Variants in IMPG1 observed in about 807,000 individuals in gnomAD.
IMPG1 encodes interphotoreceptor matrix proteoglycan of 150 kDa.
In IMPG1, 85 loss-of-function variants were observed where a neutral mutation model predicts 92.0. That is an observed-to-expected ratio of 0.92 (90% CI 0.78 to 1.11). The LOEUF is 1.11. IMPG1 is among the 50% of genes least tolerant of loss of function. The pLI is 0.00. For missense variants in IMPG1, 1,022 were observed against 956.0 expected, an observed-to-expected ratio of 1.07 and a Z score of -0.91; for synonymous variants, 367 against 334.1, an observed-to-expected ratio of 1.10 and a Z score of -1.08.
intron 1 of IMPG1, among the ~76,000 whole-genome samples, chr6:76,048,075 C>T (rs1217991209): frequency 6.6e-6 from 1 of 152,120 alleles, no homozygotes; most frequent in African/African-American, 2.4e-5. Context: ...GGAAGACTAT[C>T]ATTATTACCT....
chr6:76,007,371 A>G, intron 9 of IMPG1, 109 bp downstream of exon 9: 1 of 760,078 alleles, frequency 1.3e-6, no homozygotes. Context: ...ATCAAAAAGT[A>G]ATGGGCTTAT....
At chr6:75,973,784 T>C (rs1157975204) in intron 12 of IMPG1, among the ~76,000 whole-genome samples, 2 of 152,180 alleles carry the variant, frequency 1.3e-5, no homozygotes, top group Non-Finnish European at 2.9e-5. Flanking sequence ...CATTATGTTA[T>C]TTAATTGAAA....
chr6:75,950,729 C>T lies in IMPG1; in HGVS notation c.1657G>A (p.Val553Ile). 1 of 1,614,010 alleles carries T rather than the reference C, an allele frequency of 6.2e-7. No homozygotes were observed. The highest frequency in any genetic ancestry group is 8.5e-7 in the Non-Finnish European group (1 of 1,179,912). Residue 553 changes from valine to isoleucine, a missense_variant, in exon 13 of 17, where the codon GTC becomes ATC. Transcript: ENST00000369950. ...PDHFLEDTTP[V>I]SALQYITTSS... ...GTGGTGATATACTGTAAAGCTGAGA[C>T]AGGAGTGGTATCCTCCAAGAAATGA...
At chr6:76,064,208 T>C (rs1457801377) in intron 1 of IMPG1, among the ~76,000 whole-genome samples, 2 of 152,138 alleles carry the variant, frequency 1.3e-5, no homozygotes, top group Non-Finnish European at 2.9e-5. Context: ...ACTGCATCCC[T>C]GCTGGCTATG....
intron 12 of IMPG1, among the ~76,000 whole-genome samples, chr6:75,982,877 A>C (rs968204760): frequency 1.3e-5 from 2 of 152,048 alleles, no homozygotes; most frequent in African/African-American, 2.4e-5. Flanking sequence ...TCATCTTTAA[A>C]ATCTAGTGAC....
chr6:75,992,414 G>A (rs150459585), intron 12 of IMPG1, among the ~76,000 whole-genome samples: 77 of 152,284 alleles, frequency 5.1e-4, no homozygotes, highest in African/African-American at 1.8e-3. Context: ...ATGACCATGG[G>A]GGTGTTTCAT....
chr6:75,994,037 G>A (rs181298092), intron 12 of IMPG1, among the ~76,000 whole-genome samples: 1 of 152,348 alleles, frequency 6.6e-6, no homozygotes, highest in African/African-American at 2.4e-5. Context: ...CACTGGTGAG[G>A]TGCTAGCACT....
chr6:75,974,380 T>TTTCTTTCTTTC (rs1582078426), intron 12 of IMPG1, among the ~76,000 whole-genome samples: 1 of 76,310 alleles, frequency 1.3e-5, no homozygotes, highest in African/African-American at 4.5e-5. Context: ...TCTTTCTTTC[T>TTTCTTTCTTTC]TTCTTTCTTT....
chr6:75,986,841 TAAAAC>T lies in IMPG1; in HGVS notation c.1291+16072_1291+16076del, dbSNP rs746322158. Among the ~76,000 whole-genome samples the T allele has an allele frequency of 2.6e-3, 394 of 151,996 alleles. 6 individuals are homozygous for T. The highest frequency in any genetic ancestry group is 0.01 in the Middle Eastern group (3 of 294). ...AACTTAAAAGCAAAAAGAAAACAAA[TAAAAC>T]AGGCAGTCAAACCAACAAAATCTCA... On this transcript the variant is annotated intron_variant, in intron 12 of 16. Coordinates refer to ENST00000369950, the MANE Select transcript of IMPG1 (RefSeq NM_001563.4).
chr6:75,933,803 T>C (rs1403824277), intron 14 of IMPG1, among the ~76,000 whole-genome samples: 1 of 152,222 alleles, frequency 6.6e-6, no homozygotes, highest in Non-Finnish European at 1.5e-5. Context: ...CTCACACTTA[T>C]CAAAGGCCAT....
chr6:75,979,490 G>A (rs900848132), intron 12 of IMPG1, among the ~76,000 whole-genome samples: 8 of 152,152 alleles, frequency 5.3e-5, no homozygotes, highest in Non-Finnish European at 1.0e-4. Flanking sequence ...TTATATGAAA[G>A]AAAGGACAGT....
intron 5 of IMPG1, 83 bp downstream of exon 5, chr6:76,025,107 TTTAA>T (rs2149484735): frequency 1.3e-6 from 1 of 797,776 alleles, no homozygotes; most frequent in Non-Finnish European, 2.2e-6. Context: ...AAACATTATC[TTTAA>T]TTAGGAATTG....
chr6:76,028,148 G>T (rs1460967828), intron 4 of IMPG1, among the ~76,000 whole-genome samples: 1 of 152,146 alleles, frequency 6.6e-6, no homozygotes, highest in Non-Finnish European at 1.5e-5. Context: ...CATAATTAAT[G>T]TTGTTAAGTT....
chr6:76,067,079 T>A (rs550933328), intron 1 of IMPG1, among the ~76,000 whole-genome samples: 2 of 151,914 alleles, frequency 1.3e-5, no homozygotes, highest in African/African-American at 4.8e-5. Context: ...TATGCTTACA[T>A]GAAAAGATAG....
At chr6:76,034,904 G>T in intron 2 of IMPG1, 117 bp from the exon 3 acceptor site, 1 of 799,302 alleles carries the variant, frequency 1.3e-6, no homozygotes, top group South Asian at 1.9e-5. Flanking sequence ...CTAATTTACA[G>T]TCTCTAAAAG....
chr6:75,964,384 T>C (rs1782266451), intron 12 of IMPG1, among the ~76,000 whole-genome samples: 1 of 151,972 alleles, frequency 6.6e-6, no homozygotes, highest in Non-Finnish European at 1.5e-5. Flanking sequence ...TTTATCTCCA[T>C]AAAGAAAAAA....
intron 12 of IMPG1, among the ~76,000 whole-genome samples, chr6:75,956,166 G>A (rs1409398337): frequency 6.6e-6 from 1 of 152,186 alleles, no homozygotes; most frequent in African/African-American, 2.4e-5. Context: ...AGTTTCAGAA[G>A]GAATGGTACC....
intron 16 of IMPG1, among the ~76,000 whole-genome samples, 200 bp downstream of exon 16, chr6:75,923,434 G>A (rs1393054487): frequency 6.6e-6 from 1 of 151,928 alleles, no homozygotes; most frequent in Non-Finnish European, 1.5e-5. Flanking sequence ...TTATTCTGTT[G>A]TTTTATCTAC....
chr6:76,065,068 A>G (rs1784286209), intron 1 of IMPG1, among the ~76,000 whole-genome samples: 1 of 152,092 alleles, frequency 6.6e-6, no homozygotes. Flanking sequence ...CATACATTAT[A>G]GTTACATCCT....
Sources: gnomAD v4.1 joint callset for allele counts (sites outside exome capture counted in the v4.1 genomes callset) on GRCh38, gnomAD v4.1.1 for gene constraint, MANE v1.5 for transcripts, NCBI Gene and HGNC (gene_info 2026-07-23, HGNC 2026-07-21) for gene names.